MEAK7: variants seen among roughly 807,000 people sequenced by gnomAD.
MEAK7 encodes the protein MTOR-associated protein MEAK7.
A neutral mutation model predicts 40.5 loss-of-function variants in MEAK7; 68 were observed. The ratio of observed to expected loss-of-function variants is 1.68; its 90% CI spans 1.38 to 2.06. The LOEUF (loss-of-function observed/expected upper bound fraction) is 2.06. MEAK7 is among the 30% of genes most tolerant of loss of function. The probability of loss-of-function intolerance (pLI) is 0.00; values close to 1 mark genes in which losing one functional copy is unlikely to be tolerated. For missense variants in MEAK7, 918 were observed against 580.5 expected (o/e 1.58, Z -5.98); for synonymous variants, 338 against 231.9 (o/e 1.46, Z -4.16).
Position 84,482,578 on chromosome 16 carries a change from C to G in MEAK7, c.1077+14G>C, listed in dbSNP as rs765122087. ...ATCACCAAGGCAAGACCACCACGCTCTGCCCGGGCTCACCAGTCCGTTCGG... is the reference window on the plus strand; with the variant it reads ...ATCACCAAGGCAAGACCACCACGCTGTGCCCGGGCTCACCAGTCCGTTCGG... On this transcript the variant is annotated intron_variant, in intron 6 of 7. Transcript: ENST00000343629. 9.3e-6 allele frequency: 15 copies of G among 1,613,962 alleles called. No homozygotes were observed. The African/African-American group carries it at 2.0e-4, about 22-fold the overall frequency.
In MEAK7 at chr16:84,496,891, C is replaced by T. The variant is rs8061358; in HGVS notation, c.154-978G>A. ...ATTCTAGCAGCTGCCATTTGCATGT[C>T]GGAATTTATTAACACATGTAACATA... is the stretch of plus-strand genomic sequence containing the variant. On this transcript the variant is annotated intron_variant, in intron 2 of 7. Coordinates refer to ENST00000343629, the MANE Select transcript of MEAK7 (RefSeq NM_020947.4). 3.4e-3 allele frequency among the ~76,000 whole-genome samples: 517 copies of T among 152,228 alleles called. 10 individuals carry two copies. The highest frequency in any genetic ancestry group is 0.011 in the African/African-American group (461 of 41,536).
rs1002594213 is a variant in MEAK7, at chr16:84,483,584, A to C, written c.959-874T>G. Among the ~76,000 whole-genome samples, 5 of 152,230 alleles carry C rather than the reference A, an allele frequency of 3.3e-5. No homozygotes were observed. The South Asian group carries it at 1.0e-3, about 32-fold the overall frequency. ...GGGGCACCATGATGGAACGCAGATA[A>C]GAAGGGGGCACCAAGACCAGGAGGC... On this transcript the variant is annotated intron_variant, in intron 5 of 7. Transcript: ENST00000343629.
intron 1 of MEAK7, among the ~76,000 whole-genome samples, 178 bp downstream of exon 1, chr16:84,504,423 C>G (rs557666512): frequency 6.6e-6 from 1 of 151,822 alleles, no homozygotes; most frequent in Non-Finnish European, 1.5e-5. Context: ...TGTCCCCACC[C>G]CTCACCTCCC....
chr16:84,497,821 C>T (rs2150645775), intron 2 of MEAK7, 113 bp downstream of exon 2: 1 of 1,496,894 alleles, frequency 6.7e-7, no homozygotes, highest in Non-Finnish European at 9.2e-7. Flanking sequence ...ACCAACTTTT[C>T]AGTGTTGCCA....
chr16:84,480,767 C>G (rs1912469817), intron 6 of MEAK7, 59 bp from the exon 7 acceptor site: 1 of 1,516,052 alleles, frequency 6.6e-7, no homozygotes, highest in Admixed American at 2.1e-5. Context: ...CTGTGGACAT[C>G]AAATACCACA....
At chr16:84,487,095 T>G (rs1161871403) in intron 4 of MEAK7, 36 bp from the exon 5 acceptor site, 2 of 1,572,588 alleles carry the variant, frequency 1.3e-6, no homozygotes, top group Middle Eastern at 1.7e-4. Context: ...AGTGGGGCTG[T>G]TATGTCACCA....
intron 3 of MEAK7, among the ~76,000 whole-genome samples, chr16:84,493,668 G>T (rs1176761795): frequency 2.6e-5 from 4 of 152,068 alleles, no homozygotes; most frequent in African/African-American, 9.7e-5. Flanking sequence ...GAAACTATTT[G>T]TGAGTATTCT....
At chr16:84,496,559 G>C in intron 2 of MEAK7, among the ~76,000 whole-genome samples, 1 of 152,112 alleles carries the variant, frequency 6.6e-6, no homozygotes, top group East Asian at 1.9e-4. Flanking sequence ...CAAGAACCCT[G>C]GTGTTCTTCC....
Position 84,497,383 on chromosome 16 carries a change from G to C in MEAK7, c.153+551C>G, listed in dbSNP as rs548741805. 6.0e-5 allele frequency: 75 copies of C among 1,248,322 alleles called. 2 individuals are homozygous for C. In the South Asian group the frequency reaches 9.6e-4, roughly 16 times the overall value. 77.3% of individuals were successfully genotyped at this position (1,248,322 alleles called of 1,614,324 possible). On this transcript the variant is annotated intron_variant, in intron 2 of 7. Transcript: ENST00000343629. ...AATCTAAAATGTGATTATTTTGTTA[G>C]GAATATCATGAAATTCCTAGCCATC...
At chr16:84,501,023 C>T (rs185767339) in intron 1 of MEAK7, among the ~76,000 whole-genome samples, 3 of 144,636 alleles carry the variant, frequency 2.1e-5, no homozygotes, top group African/African-American at 7.7e-5. Context: ...TGAACACGGA[C>T]AGCGGAAGTC....
At chr16:84,501,105 G>GAAAAAA (rs35447624) in intron 1 of MEAK7, among the ~76,000 whole-genome samples, 3 of 103,636 alleles carry the variant, frequency 2.9e-5, no homozygotes, top group Non-Finnish European at 5.4e-5. Context: ...AAAAAAAAAA[G>GAAAAAA]AAAAAAAAAA....
chr16:84,486,898 C>T lies in MEAK7; in HGVS notation c.691G>A (p.Val231Ile). Reference sequence around the variant, plus strand: ...CCCTGGTCCACTTGACGCTCAGGGACCAGGGTAGTCAGATCAAGAGACGAG... The same window carrying T: ...CCCTGGTCCACTTGACGCTCAGGGATCAGGGTAGTCAGATCAAGAGACGAG... The part of the protein sequence containing the change: ...LCSSLDLTTL[V>I]PERQVDQGRG... The change falls in exon 5 of 8, where the codon GTC (valine) becomes ATC (isoleucine). Residue 231 changes from valine (V) to isoleucine (I), a missense_variant. Physicochemically the swap from Val to Ile is conservative, Grantham distance 29 (BLOSUM62 3). Transcript: ENST00000343629. 6.2e-7 allele frequency: 1 copy of T among 1,614,176 alleles called. No individual in the cohort carries two copies. The highest frequency in any genetic ancestry group is 2.2e-5 in the East Asian group (1 of 44,888).
At chr16:84,481,858 T>C (rs999636529) in intron 6 of MEAK7, among the ~76,000 whole-genome samples, 2 of 151,940 alleles carry the variant, frequency 1.3e-5, no homozygotes, top group Admixed American at 6.6e-5. Context: ...GGCGTGAACC[T>C]GGGAGGCGGA....
chr16:84,495,565 C>A lies in MEAK7; in HGVS notation c.384+118G>T, dbSNP rs1913967153. On this transcript the variant is annotated intron_variant, in intron 3 of 7. Coordinates refer to ENST00000343629, the MANE Select transcript of MEAK7 (RefSeq NM_020947.4). ...CAAAATAAACTCCGATTAATTGAAA[C>A]CCAGCTCAAATACTTTTTGGTTTAC... is the stretch of plus-strand genomic sequence containing the variant. 1.3e-5 allele frequency: 12 copies of A among 919,106 alleles called. No individual in the cohort carries two copies. In the South Asian group the frequency reaches 1.9e-4, roughly 15 times the overall value. The allele number at this position is 919,106 out of a possible 1,614,324, so 56.9% of individuals were successfully genotyped here.
intron 5 of MEAK7, 122 bp from the exon 6 acceptor site, chr16:84,482,832 CA>C: frequency 2.1e-6 from 3 of 1,431,780 alleles, no homozygotes; most frequent in Non-Finnish European, 2.8e-6. Flanking sequence ...CACCCATGTC[CA>C]GGTGTCGGCA....
intron 1 of MEAK7, among the ~76,000 whole-genome samples, chr16:84,501,667 C>T (rs577998567): frequency 2.8e-4 from 42 of 152,214 alleles, no homozygotes; most frequent in Non-Finnish European, 5.4e-4. Context: ...GAGGAGGTTG[C>T]ATGGGAGGCC....
Position 84,497,976 on chromosome 16 carries a change from G to C in MEAK7, c.111C>G (p.Ser37Arg). Residue 37 changes from serine to arginine, a missense_variant, in exon 2 of 8, where the codon AGC (serine) becomes AGG (arginine). Coordinates refer to ENST00000343629, the MANE Select transcript of MEAK7 (RefSeq NM_020947.4). Reference sequence around the variant, plus strand: ...AGAAGGATTTGGATGAGACATTCGGGCTGTTTTTATCTGATGACAGAGCAT... The same window carrying C: ...AGAAGGATTTGGATGAGACATTCGGCCTGTTTTTATCTGATGACAGAGCAT... ...LFDALSSDKN[S>R]PNVSSKSFSL... 6.2e-7 allele frequency: 1 copy of C among 1,614,160 alleles called. No homozygotes were observed. Among genetic ancestry groups the C allele is most frequent in the African/African-American group, 1.3e-5 (1 of 75,030 alleles).
intron 3 of MEAK7, among the ~76,000 whole-genome samples, chr16:84,492,791 A>G (rs1913735429): frequency 6.6e-6 from 1 of 152,136 alleles, no homozygotes; most frequent in Admixed American, 6.5e-5. Context: ...CATGTTAGCG[A>G]GGCTGGTCTT....
intron 3 of MEAK7, among the ~76,000 whole-genome samples, chr16:84,493,360 A>C (rs1024206752): frequency 1.3e-5 from 2 of 152,226 alleles, no homozygotes; most frequent in African/African-American, 4.8e-5. Context: ...CGATAACTTC[A>C]GAGATTGTGC....
Sources: gnomAD v4.1 joint callset for allele counts (sites outside exome capture counted in the v4.1 genomes callset) on GRCh38, gnomAD v4.1.1 for gene constraint, MANE v1.5 for transcripts, NCBI Gene and HGNC (gene_info 2026-07-23, HGNC 2026-07-21) for gene names.